NUBPL: variants seen among roughly 807,000 people sequenced by gnomAD.
NUBPL encodes iron-sulfur cluster transfer protein NUBPL.
A neutral mutation model predicts 45.7 loss-of-function variants in NUBPL; 31 were observed. That is an observed-to-expected ratio of 0.68 (90% confidence interval 0.51 to 0.92). The LOEUF (loss-of-function observed/expected upper bound fraction) is 0.92, where lower values mean the gene tolerates loss of function less well. Ranked by LOEUF, NUBPL falls within the 40% of genes least tolerant of loss-of-function variation. NUBPL has a pLI of 0.00. For synonymous variants in NUBPL, 144 were observed against 140.9 expected (o/e 1.02, Z -0.15); for missense variants, 401 against 398.7 (o/e 1.01, Z -0.05).
Position 31,649,982 on chromosome 14 carries a change from C to T in NUBPL, c.383-23373C>T, listed in dbSNP as rs566096688. 7.2e-5 allele frequency among the ~76,000 whole-genome samples: 11 copies of T among 152,234 alleles called. No individual in the cohort carries two copies. In the South Asian group the frequency reaches 2.3e-3, roughly 32 times the overall value. ...TCAAGTGATTCTCCTGCCTCAGCCT[C>T]CTGAGTAGCTGGGATTACAGACATG... On this transcript the variant is annotated intron_variant, in intron 4 of 10. Transcript: ENST00000281081.
chr14:31,726,505 G>A (rs1487946213), intron 6 of NUBPL, among the ~76,000 whole-genome samples: 1 of 152,218 alleles, frequency 6.6e-6, no homozygotes, highest in African/African-American at 2.4e-5. Flanking sequence ...TTTCTGGAAT[G>A]TGTCAGGCAT....
At chr14:31,846,391 G>T in intron 8 of NUBPL, 80 bp from the exon 9 acceptor site, 1 of 1,131,284 alleles carries the variant, frequency 8.8e-7, no homozygotes, top group Non-Finnish European at 1.3e-6. Flanking sequence ...AACTCAGTAG[G>T]CACTCTGTAA....
chr14:31,696,604 C>T (rs1399650271), intron 6 of NUBPL, among the ~76,000 whole-genome samples: 1 of 152,076 alleles, frequency 6.6e-6, no homozygotes, highest in African/African-American at 2.4e-5. Flanking sequence ...GTGTTCTCAA[C>T]CCATTTGTAG....
At chr14:31,619,883 A>T (rs972515469) in intron 4 of NUBPL, among the ~76,000 whole-genome samples, 2 of 152,096 alleles carry the variant, frequency 1.3e-5, no homozygotes, top group African/African-American at 2.4e-5. Flanking sequence ...GTGTTTTCCA[A>T]CTTGGTTCCA....
chr14:31,706,897 T>C (rs905404359), intron 6 of NUBPL, among the ~76,000 whole-genome samples: 11 of 152,234 alleles, frequency 7.2e-5, no homozygotes, highest in Non-Finnish European at 1.3e-4. Flanking sequence ...CCTCATTCAG[T>C]CCATATTAAC....
chr14:31,637,779 T>G (rs2035550429), intron 4 of NUBPL, among the ~76,000 whole-genome samples: 1 of 152,214 alleles, frequency 6.6e-6, no homozygotes, highest in Non-Finnish European at 1.5e-5. Flanking sequence ...GCTCCTGTAT[T>G]GGGTGCATAT....
At chr14:31,743,970 G>A (rs2038341730) in intron 6 of NUBPL, among the ~76,000 whole-genome samples, 2 of 152,254 alleles carry the variant, frequency 1.3e-5, no homozygotes, top group South Asian at 4.1e-4. Flanking sequence ...ATAACTCTCT[G>A]TTTCTCATCT....
intron 4 of NUBPL, among the ~76,000 whole-genome samples, chr14:31,663,850 A>T (rs1331297850): frequency 6.6e-6 from 1 of 152,222 alleles, no homozygotes; most frequent in Non-Finnish European, 1.5e-5. Context: ...TTTTCACAAT[A>T]TTGAATGTTC....
At chr14:31,701,058 T>C (rs1712230758) in intron 6 of NUBPL, among the ~76,000 whole-genome samples, 2 of 152,158 alleles carry the variant, frequency 1.3e-5, no homozygotes, top group South Asian at 4.1e-4. Context: ...AGCTGGAGGA[T>C]TGTATGTGCA....
intron 6 of NUBPL, among the ~76,000 whole-genome samples, chr14:31,785,443 A>G (rs1037382117): frequency 7.2e-5 from 11 of 152,124 alleles, no homozygotes; most frequent in African/African-American, 2.7e-4. Flanking sequence ...CACGGACCCT[A>G]TTGTGAGGGA....
chr14:31,857,377 A>C lies in NUBPL; in HGVS notation c.898-1741A>C, dbSNP rs924404850. ...CAGACCTGTGATGGGAGAGGCTGCC[A>C]TGAAGACCTCTGACATGCCCTGGAG... On this transcript the variant is annotated intron_variant, in intron 10 of 10. Coordinates refer to ENST00000281081, the MANE Select transcript of NUBPL (RefSeq NM_025152.3). 2.6e-5 allele frequency among the ~76,000 whole-genome samples: 4 copies of C among 152,306 alleles called. No homozygotes were observed. In the East Asian group the frequency reaches 7.7e-4, roughly 29 times the overall value.
intron 6 of NUBPL, among the ~76,000 whole-genome samples, chr14:31,758,326 A>G (rs2038720370): frequency 6.6e-6 from 1 of 152,206 alleles, no homozygotes; most frequent in African/African-American, 2.4e-5. Flanking sequence ...AACATCAGCA[A>G]TATATAGTAC....
intron 7 of NUBPL, among the ~76,000 whole-genome samples, chr14:31,789,211 A>C (rs2039336104): frequency 6.6e-6 from 1 of 152,122 alleles, no homozygotes; most frequent in Non-Finnish European, 1.5e-5. Flanking sequence ...CTGTAGTCCC[A>C]GCTACTCGGG....
intron 8 of NUBPL, among the ~76,000 whole-genome samples, chr14:31,835,474 C>G (rs760622353): frequency 6.6e-6 from 1 of 152,160 alleles, no homozygotes; most frequent in Non-Finnish European, 1.5e-5. Flanking sequence ...TCATTGGTCA[C>G]TATGGCAGTG....
intron 6 of NUBPL, among the ~76,000 whole-genome samples, chr14:31,724,910 T>G (rs984994252): frequency 6.6e-6 from 1 of 151,908 alleles, no homozygotes; most frequent in Non-Finnish European, 1.5e-5. Context: ...AGCAGAGACT[T>G]GAATGGAAGG....
At chr14:31,665,950 T>A in intron 4 of NUBPL, among the ~76,000 whole-genome samples, 1 of 151,800 alleles carries the variant, frequency 6.6e-6, no homozygotes, top group Non-Finnish European at 1.5e-5. Flanking sequence ...ATAATGCTTC[T>A]TGTTGCATTG....
chr14:31,737,657 G>A (rs2038192589), intron 6 of NUBPL, among the ~76,000 whole-genome samples: 1 of 152,122 alleles, frequency 6.6e-6, no homozygotes, highest in Non-Finnish European at 1.5e-5. Flanking sequence ...GGTGGCAGGT[G>A]CCTATTGTTC....
At chr14:31,693,408 A>G (rs779184275) in intron 6 of NUBPL, among the ~76,000 whole-genome samples, 8 of 152,214 alleles carry the variant, frequency 5.3e-5, no homozygotes, top group Non-Finnish European at 1.2e-4. Flanking sequence ...CTTTGACATT[A>G]TAAAACTAAT....
intron 8 of NUBPL, among the ~76,000 whole-genome samples, chr14:31,837,349 T>C (rs1408743002): frequency 6.6e-6 from 1 of 152,062 alleles, no homozygotes; most frequent in Non-Finnish European, 1.5e-5. Flanking sequence ...CAAAAATTCA[T>C]TATAAATCAC....
Sources: gnomAD v4.1 joint callset for allele counts (sites outside exome capture counted in the v4.1 genomes callset) on GRCh38, gnomAD v4.1.1 for gene constraint, MANE v1.5 for transcripts, NCBI Gene and HGNC (gene_info 2026-07-23, HGNC 2026-07-21) for gene names.